PPP2R1A: variants seen among roughly 807,000 people sequenced by gnomAD.
PPP2R1A encodes the protein protein phosphatase 2 scaffold subunit Aalpha.
Under a neutral mutation model 67.1 loss-of-function variants are expected in PPP2R1A, and 15 were observed. The ratio of observed to expected loss-of-function variants is 0.22; its 90% confidence interval spans 0.15 to 0.34. The LOEUF (loss-of-function observed/expected upper bound fraction) is 0.34. Among genes scored for constraint, PPP2R1A ranks in the 10% least tolerant of loss-of-function variants. PPP2R1A has a pLI of 1.00. For missense variants in PPP2R1A, 369 were observed against 775.0 expected, an observed-to-expected ratio of 0.48 and a Z score of 6.22; for synonymous variants, 337 against 325.0, an observed-to-expected ratio of 1.04 and a Z score of -0.40.
chr19:52,199,768 T>TA (rs2089529863), intron 1 of PPP2R1A, among the ~76,000 whole-genome samples: 1 of 152,242 alleles, frequency 6.6e-6, no homozygotes, highest in South Asian at 2.1e-4. Context: ...CCTCTATACT[T>TA]ACACCCCAGG....
chr19:52,217,474 T>C (rs1978646928), intron 9 of PPP2R1A, among the ~76,000 whole-genome samples: 1 of 152,188 alleles, frequency 6.6e-6, no homozygotes, highest in African/African-American at 2.4e-5. Flanking sequence ...CCTGGGATTA[T>C]AGGCGTGAGC....
rs965489713 is a variant in PPP2R1A at position 52,211,636 on chromosome 19, A to G, written c.503+144A>G. On this transcript the variant is annotated intron_variant, in intron 4 of 14. Coordinates refer to ENST00000322088, the MANE Select transcript of PPP2R1A (RefSeq NM_014225.6). This position sits in a 1 kb window ranked among gnomAD's most constrained non-coding sequence, Gnocchi z 5.3. ...ACTCCTGCTTACCACCTGATAGGCC[A>G]CATCCTCGAGAGTTGGTCTCTGGAC... 1.6e-5 allele frequency: 13 copies of G among 802,382 alleles called. No homozygotes were observed. Among genetic ancestry groups the G allele is most frequent in the Non-Finnish European group, 2.1e-5 (11 of 516,986 alleles). The allele number at this position is 802,382 out of a possible 1,614,324, so 49.7% of individuals were successfully genotyped here.
intron 1 of PPP2R1A, among the ~76,000 whole-genome samples, chr19:52,197,995 T>C (rs1271207188): frequency 6.6e-6 from 1 of 152,254 alleles, no homozygotes; most frequent in Non-Finnish European, 1.5e-5. Flanking sequence ...GATGTCCTTC[T>C]TAATAATCTG....
chr19:52,224,308 C>T (rs1568600220), intron 13 of PPP2R1A, among the ~76,000 whole-genome samples: 1 of 152,202 alleles, frequency 6.6e-6, no homozygotes, highest in Non-Finnish European at 1.5e-5. Context: ...TTTTCCAAAA[C>T]AATTGACTCT....
intron 11 of PPP2R1A, 152 bp from the exon 12 acceptor site, chr19:52,220,827 G>A: frequency 1.2e-6 from 1 of 834,908 alleles, no homozygotes; most frequent in Non-Finnish European, 1.9e-6. Flanking sequence ...ACTAGATATA[G>A]CACATAGTAA....
chr19:52,213,763 G>C lies in PPP2R1A; in HGVS notation c.807+653G>C, dbSNP rs910822211. On this transcript the variant is annotated intron_variant, in intron 6 of 14. Transcript: ENST00000322088. The surrounding 1 kb of genome is among the most constrained non-coding windows in gnomAD (Gnocchi z 4.2). The stretch of plus-strand genomic sequence containing the variant: ...CATCTCCCAAAGTGCTGGGATTACA[G>C]GTGTTAGCCACCGCGCCCAGCCCCG... 6.6e-6 allele frequency among the ~76,000 whole-genome samples: 1 copy of C among 152,024 alleles called. No individual in the cohort carries two copies. The highest frequency in any genetic ancestry group is 1.5e-5 in the Non-Finnish European group (1 of 68,020).
At chr19:52,225,401 A>C (rs1208063631) in intron 13 of PPP2R1A, among the ~76,000 whole-genome samples, 1 of 152,202 alleles carries the variant, frequency 6.6e-6, no homozygotes, top group African/African-American at 2.4e-5. Flanking sequence ...GCAAATGTGT[A>C]ATGATCAAAT....
intron 1 of PPP2R1A, chr19:52,200,147 C>G (rs1230019298): frequency 6.6e-6 from 1 of 152,274 alleles, no homozygotes; most frequent in Non-Finnish European, 1.5e-5. Flanking sequence ...CAACCTCGCC[C>G]TGTCCCTACC....
At position 52,215,795 on chromosome 19, in the gene PPP2R1A, G is replaced by T; in HGVS notation, c.824G>T (p.Gly275Val). Residue 275 changes from glycine to valine, a missense_variant, in exon 7 of 15, where the codon GGG (glycine) becomes GTG (valine). By Grantham distance (109) the Gly-to-Val change is moderately radical. Coordinates refer to ENST00000322088, the MANE Select transcript of PPP2R1A (RefSeq NM_014225.6). ...DKFTELQKAV[G>V]PEITKTDLVP... ...TGTCTGCAGCTCCAGAAAGCAGTGG[G>T]GCCTGAGATCACCAAGACAGACCTG... 1 of 1,613,974 alleles carries T rather than the reference G, an allele frequency of 6.2e-7. No individual in the cohort carries two copies. The highest frequency in any genetic ancestry group is 8.5e-7 in the Non-Finnish European group (1 of 1,179,902).
intron 3 of PPP2R1A, 70 bp downstream of exon 3, chr19:52,206,133 A>G: frequency 2.2e-6 from 3 of 1,393,862 alleles, no homozygotes; most frequent in Non-Finnish European, 3.0e-6. Context: ...GGCCTAGGGC[A>G]GGGAGGGGAG....
rs952523235 is a variant in PPP2R1A at position 52,213,850 on chromosome 19, A to G, written c.807+740A>G. Among the ~76,000 whole-genome samples the G allele has an allele frequency of 1.3e-5, 2 of 152,090 alleles. No homozygotes were observed. Among genetic ancestry groups the G allele is most frequent in the African/African-American group, 4.8e-5 (2 of 41,408 alleles). On this transcript the variant is annotated intron_variant, in intron 6 of 14. Transcript: ENST00000322088. The surrounding 1 kb of genome is among the most constrained non-coding windows in gnomAD (Gnocchi z 4.2). ...CCAGGCAGAAAGGGGACAAGACTCC[A>G]GGTCTGTGACTCTCAGGACAGTGCT...
rs190124182 is a variant in PPP2R1A, at chr19:52,215,936, C to T, written c.922+43C>T. ...GAACACAGCAAGTGGGGTGGGTATC[C>T]AAGGGGCTGGAGGTGGAACTAGCAC... On this transcript the variant is annotated intron_variant, in intron 7 of 14. Transcript: ENST00000322088. 176 of 1,611,068 alleles carry T rather than the reference C, an allele frequency of 1.1e-4. 1 individual carries two copies. The African/African-American group carries it at 1.9e-3, about 17-fold the overall frequency.
chr19:52,215,193 C>T (rs980328914), intron 6 of PPP2R1A, among the ~76,000 whole-genome samples: 2 of 152,032 alleles, frequency 1.3e-5, no homozygotes, highest in African/African-American at 4.8e-5. Context: ...GTAGCTAGGA[C>T]GATAGGTGCC....
intron 1 of PPP2R1A, among the ~76,000 whole-genome samples, chr19:52,196,862 T>G (rs2089500852): frequency 6.6e-6 from 1 of 152,152 alleles, no homozygotes; most frequent in Non-Finnish European, 1.5e-5. Flanking sequence ...ATAGCTCCAT[T>G]CCAGACAGGA....
chr19:52,221,738 A>C (rs1978946336), intron 12 of PPP2R1A, among the ~76,000 whole-genome samples: 1 of 152,182 alleles, frequency 6.6e-6, no homozygotes, highest in Admixed American at 6.5e-5. Context: ...CTACTTATTT[A>C]TGTGTAAACC....
At chr19:52,215,133 G>T (rs1291209210) in intron 6 of PPP2R1A, among the ~76,000 whole-genome samples, 1 of 152,176 alleles carries the variant, frequency 6.6e-6, no homozygotes, top group Non-Finnish European at 1.5e-5. Flanking sequence ...ACGGCTCACT[G>T]CAGCCTTGAC....
Position 52,221,547 on chromosome 19 carries a change from G to A in PPP2R1A, c.1518+414G>A, listed in dbSNP as rs531796062. Among the ~76,000 whole-genome samples the A allele has an allele frequency of 4.6e-5, 7 of 152,234 alleles. No individual in the cohort carries two copies. The South Asian group carries it at 6.2e-4, about 14-fold the overall frequency. ...ATGGACCTTGGATAGTTACCTAACCGATGCTTTGGTCTTCTCATTTGTAAA... is the reference window on the plus strand; with the variant it reads ...ATGGACCTTGGATAGTTACCTAACCAATGCTTTGGTCTTCTCATTTGTAAA... On this transcript the variant is annotated intron_variant, in intron 12 of 14. Coordinates refer to ENST00000322088, the MANE Select transcript of PPP2R1A (RefSeq NM_014225.6).
chr19:52,198,450 T>G (rs1296633115), intron 1 of PPP2R1A, among the ~76,000 whole-genome samples: 1 of 152,076 alleles, frequency 6.6e-6, no homozygotes, highest in Non-Finnish European at 1.5e-5. Flanking sequence ...CGACCCCCTC[T>G]TTGGGTTTGA....
rs111915021 is a variant in PPP2R1A at position 52,211,567 on chromosome 19, T to C, written c.503+75T>C. On this transcript the variant is annotated intron_variant, in intron 4 of 14. Transcript: ENST00000322088. This position sits in a 1 kb window ranked among gnomAD's most constrained non-coding sequence, Gnocchi z 5.3. ...CTTCTCTAAAGCCTCAGACTCCTTTTGGTCTAGCTGGGGCCCAAATGCCCC... is the reference window on the plus strand; with the variant it reads ...CTTCTCTAAAGCCTCAGACTCCTTTCGGTCTAGCTGGGGCCCAAATGCCCC... 1,935 of 1,466,802 alleles carry C rather than the reference T, an allele frequency of 1.3e-3. 24 individuals carry two copies. The African/African-American group carries it at 0.024, about 18-fold the overall frequency. 90.9% of individuals were successfully genotyped at this position (1,466,802 alleles called of 1,614,324 possible). A position where few individuals can be genotyped will look rare whatever the true frequency, so the allele number is the denominator to read the frequency against.
Sources: allele counts gnomAD v4.1 joint callset (sites outside exome capture counted in the v4.1 genomes callset), GRCh38; gene constraint gnomAD v4.1.1; non-coding constraint Gnocchi (gnomAD v3.1); transcripts MANE v1.5; gene names NCBI Gene and HGNC (gene_info 2026-07-23, HGNC 2026-07-21).